Variants in ABTB2 observed in about 807,000 individuals in gnomAD.
ABTB2 encodes the protein ankyrin repeat and BTB domain containing 2.
ABTB2 carries 56 observed loss-of-function variants against 104.1 expected under a neutral mutation model. That is an observed-to-expected ratio of 0.54 (90% CI 0.43 to 0.67). ABTB2 has a LOEUF of 0.67. Ranked by LOEUF, ABTB2 falls within the 30% of genes least tolerant of loss-of-function variation. The pLI, the probability that ABTB2 is intolerant of heterozygous loss-of-function variation, is 0.00. For synonymous variants in ABTB2, 606 were observed against 608.2 expected (o/e 1.00, Z 0.05); for missense variants, 1,279 against 1,407.7 (o/e 0.91, Z 1.46).
At chr11:34,249,327 T>C (rs1192350587) in intron 1 of ABTB2, among the ~76,000 whole-genome samples, 2 of 152,208 alleles carry the variant, frequency 1.3e-5, no homozygotes, top group Admixed American at 6.5e-5. Flanking sequence ...TAGGACGATA[T>C]ATGTATTAAT....
chr11:34,249,064 G>C (rs923746816), intron 1 of ABTB2, among the ~76,000 whole-genome samples: 3 of 152,266 alleles, frequency 2.0e-5, no homozygotes, highest in African/African-American at 7.2e-5. Context: ...GGGAGGCAGA[G>C]GTTGCAGTGA....
chr11:34,172,376 A>T (rs1184512663), intron 4 of ABTB2, among the ~76,000 whole-genome samples: 12 of 14,464 alleles, frequency 8.3e-4, no homozygotes, highest in Admixed American at 2.2e-3. Context: ...TGTCTCAAAA[A>T]AAAAAAAAAA....
intron 1 of ABTB2, among the ~76,000 whole-genome samples, chr11:34,340,225 C>T (rs1855246484): frequency 6.6e-6 from 1 of 152,114 alleles, no homozygotes; most frequent in African/African-American, 2.4e-5. Flanking sequence ...AAGACATTCT[C>T]AAGGAGAAAA....
intron 14 of ABTB2, among the ~76,000 whole-genome samples, chr11:34,155,869 G>A (rs1380318370): frequency 6.6e-6 from 1 of 152,264 alleles, no homozygotes; most frequent in Non-Finnish European, 1.5e-5. Flanking sequence ...CCTCCAGATA[G>A]TGTGTGCCTT....
At chr11:34,157,249 C>T (rs142378841) in intron 14 of ABTB2, among the ~76,000 whole-genome samples, 74 of 152,342 alleles carry the variant, frequency 4.9e-4, no homozygotes, top group African/African-American at 1.6e-3. Flanking sequence ...AGGAGACCCA[C>T]GGGGCAAGGC....
chr11:34,274,713 G>C (rs1456635450), intron 1 of ABTB2, among the ~76,000 whole-genome samples: 1 of 151,966 alleles, frequency 6.6e-6, no homozygotes, highest in East Asian at 1.9e-4. Flanking sequence ...TAGGTGGGAG[G>C]TATGAGGTCA....
intron 13 of ABTB2, 60 bp from the exon 14 acceptor site, chr11:34,159,446 C>T (rs1208402858): frequency 6.3e-6 from 7 of 1,110,466 alleles, no homozygotes; most frequent in African/African-American, 3.1e-5. Flanking sequence ...CACTGTGTGG[C>T]GATGGCACCA....
chr11:34,171,123 T>C (rs1852869149), intron 4 of ABTB2, 52 bp from the exon 5 acceptor site: 1 of 1,578,366 alleles, frequency 6.3e-7, no homozygotes, highest in African/African-American at 1.3e-5. Context: ...ACAGCAACTT[T>C]CAATGATGTG....
At chr11:34,174,574 C>T (rs1455503204) in intron 3 of ABTB2, among the ~76,000 whole-genome samples, 1 of 152,332 alleles carries the variant, frequency 6.6e-6, no homozygotes, top group East Asian at 1.9e-4. Flanking sequence ...CCCCTGCCCT[C>T]GGCGAGCGGC....
chr11:34,331,630 G>A (rs1855132093), intron 1 of ABTB2, among the ~76,000 whole-genome samples: 1 of 152,144 alleles, frequency 6.6e-6, no homozygotes, highest in African/African-American at 2.4e-5. Context: ...GCTCTGTAAT[G>A]AGGTTACTCT....
chr11:34,230,614 C>T (rs1468913190), intron 1 of ABTB2, among the ~76,000 whole-genome samples: 2 of 152,128 alleles, frequency 1.3e-5, no homozygotes, highest in Non-Finnish European at 2.9e-5. Context: ...CCTAAAGCAT[C>T]TGTGGTCATT....
intron 1 of ABTB2, among the ~76,000 whole-genome samples, chr11:34,247,254 C>G (rs568204446): frequency 1.1e-4 from 16 of 152,326 alleles, no homozygotes; most frequent in African/African-American, 3.6e-4. Flanking sequence ...AGTTCTCATG[C>G]CAGCACCACC....
At chr11:34,207,739 G>C (rs1853427039) in intron 1 of ABTB2, among the ~76,000 whole-genome samples, 1 of 152,244 alleles carries the variant, frequency 6.6e-6, no homozygotes, top group Admixed American at 6.5e-5. Flanking sequence ...ACGGAACAGG[G>C]ACTGGAGTTT....
chr11:34,337,715 C>T (rs1399293533), intron 1 of ABTB2, among the ~76,000 whole-genome samples: 1 of 152,194 alleles, frequency 6.6e-6, no homozygotes, highest in Non-Finnish European at 1.5e-5. Context: ...CAAGATACTG[C>T]ATGCAAATCA....
At chr11:34,313,885 C>A (rs1024100134) in intron 1 of ABTB2, among the ~76,000 whole-genome samples, 1 of 152,200 alleles carries the variant, frequency 6.6e-6, no homozygotes, top group South Asian at 2.1e-4. Context: ...CCCTCCCCAC[C>A]GTCCTCAGCA....
At position 34,152,332 on chromosome 11, in the gene ABTB2, T is replaced by TGGTG. The variant is rs1565124674; in HGVS notation, c.*51_*54dup. On this transcript the variant is annotated 3_prime_UTR_variant, in exon 17 of 17. Coordinates refer to ENST00000435224, the MANE Select transcript of ABTB2 (RefSeq NM_145804.3). ...GAGGGCCTACAACCATACCCCGACA[T>TGGTG]GGTGGGCCCTGGCACCTCCACAGGC... The TGGTG allele has an allele frequency of 1.3e-6, 2 of 1,516,468 alleles. No individual in the cohort carries two copies. The highest frequency in any genetic ancestry group is 1.8e-6 in the Non-Finnish European group (2 of 1,127,992). 93.9% of individuals were successfully genotyped at this position (1,516,468 alleles called of 1,614,324 possible).
chr11:34,261,906 C>T (rs1194392487), intron 1 of ABTB2, among the ~76,000 whole-genome samples: 2 of 152,232 alleles, frequency 1.3e-5, no homozygotes, highest in Non-Finnish European at 2.9e-5. Flanking sequence ...AACACAGCTG[C>T]AGCTTGTGGC....
At chr11:34,262,629 G>C (rs1854201204) in intron 1 of ABTB2, among the ~76,000 whole-genome samples, 1 of 152,104 alleles carries the variant, frequency 6.6e-6, no homozygotes, top group Non-Finnish European at 1.5e-5. Flanking sequence ...CATTAGCCTT[G>C]ATAAATTACA....
intron 1 of ABTB2, among the ~76,000 whole-genome samples, chr11:34,216,770 G>C (rs932469564): frequency 6.6e-6 from 1 of 152,096 alleles, no homozygotes; most frequent in Non-Finnish European, 1.5e-5. Flanking sequence ...AAAAAAGAAA[G>C]AAAAGAAATA....
Sources: allele counts gnomAD v4.1 joint callset (sites outside exome capture counted in the v4.1 genomes callset), GRCh38; gene constraint gnomAD v4.1.1; transcripts MANE v1.5; gene names NCBI Gene and HGNC (gene_info 2026-07-23, HGNC 2026-07-21).